Variants in IL17RD observed in about 807,000 individuals in gnomAD.
IL17RD encodes the protein interleukin-17 receptor D.
IL17RD carries 52 observed loss-of-function variants against 80.5 expected under a neutral mutation model. That is an observed-to-expected ratio of 0.65 (90% confidence interval 0.52 to 0.81). The LOEUF (loss-of-function observed/expected upper bound fraction) is 0.81, where lower values mean the gene tolerates loss of function less well. IL17RD is among the 40% of genes least tolerant of loss of function. The pLI is 0.00. For synonymous variants in IL17RD, 416 were observed against 391.8 expected, an observed-to-expected ratio of 1.06 and a Z score of -0.73; for missense variants, 1,024 against 955.1, an observed-to-expected ratio of 1.07 and a Z score of -0.95.
rs542444144 is a variant in IL17RD, at chr3:57,145,988, A to C, written c.126+19173T>G. On this transcript the variant is annotated intron_variant, in intron 1 of 12. Transcript: ENST00000296318. ...TTCTCTTTATGGGTAATGTGCGATC[A>C]ATCCAAAGACTTTGGGGAAAGCGTG... 2.0e-5 allele frequency among the ~76,000 whole-genome samples: 3 copies of C among 152,176 alleles called. No homozygotes were observed. In the East Asian group the frequency reaches 5.8e-4, roughly 29 times the overall value.
intron 3 of IL17RD, among the ~76,000 whole-genome samples, chr3:57,112,302 T>C (rs1328223161): frequency 6.6e-6 from 1 of 152,226 alleles, no homozygotes; most frequent in East Asian, 1.9e-4. Flanking sequence ...AGGTTTATAG[T>C]AGCTAACTGG....
chr3:57,144,970 A>C (rs1479261601), intron 1 of IL17RD, among the ~76,000 whole-genome samples: 2 of 152,192 alleles, frequency 1.3e-5, no homozygotes, highest in Non-Finnish European at 2.9e-5. Flanking sequence ...CCTGACAAGA[A>C]GACAGCTTGG....
Position 57,165,353 on chromosome 3 carries a change from T to G in IL17RD, c.-67A>C, listed in dbSNP as rs1161777791. 29 of 1,177,192 alleles carry G rather than the reference T, an allele frequency of 2.5e-5. No homozygotes were observed. Among genetic ancestry groups the G allele is most frequent in the African/African-American group, 6.5e-5 (4 of 61,082 alleles). The allele number at this position is 1,177,192 out of a possible 1,614,324, so 72.9% of individuals were successfully genotyped here. On this transcript the variant is annotated 5_prime_UTR_variant, in exon 1 of 13. Coordinates refer to ENST00000296318, the MANE Select transcript of IL17RD (RefSeq NM_017563.5). Reference sequence around the variant, plus strand: ...CCGCCCGCCGCTGGCCAGCCCCGAGTGGGCGGTGGCCGCGGCGGCCGCGGC... The same window carrying G: ...CCGCCCGCCGCTGGCCAGCCCCGAGGGGGCGGTGGCCGCGGCGGCCGCGGC...
intron 1 of IL17RD, among the ~76,000 whole-genome samples, chr3:57,127,275 A>AT (rs1559476878): frequency 0.042 from 2,988 of 71,830 alleles, 451 homozygotes; most frequent in African/African-American, 0.18. Context: ...TATATATAAA[A>AT]ATATATATAA....
chr3:57,157,337 C>T (rs552489917), intron 1 of IL17RD, among the ~76,000 whole-genome samples: 2 of 152,238 alleles, frequency 1.3e-5, no homozygotes, highest in East Asian at 1.9e-4. Flanking sequence ...GGGGAGTGCT[C>T]GGTACTGTGG....
intron 5 of IL17RD, among the ~76,000 whole-genome samples, chr3:57,106,814 A>G (rs1466782558): frequency 8.5e-5 from 13 of 152,162 alleles, no homozygotes; most frequent in East Asian, 1.9e-4. Flanking sequence ...ATATAATGCC[A>G]AGAAAACTGA....
intron 1 of IL17RD, among the ~76,000 whole-genome samples, chr3:57,124,150 G>A (rs528684699): frequency 2.0e-5 from 3 of 152,212 alleles, no homozygotes; most frequent in African/African-American, 4.8e-5. Context: ...TTAGCTCAAC[G>A]CCCAAATAAT....
chr3:57,157,337 CG>C (rs2060274924), intron 1 of IL17RD, among the ~76,000 whole-genome samples: 1 of 152,120 alleles, frequency 6.6e-6, no homozygotes, highest in Non-Finnish European at 1.5e-5. Flanking sequence ...GGGGAGTGCT[CG>C]GTACTGTGGC....
rs1707306753 is a variant in IL17RD at position 57,120,322 on chromosome 3, AAAC to A, written c.127-12_127-10del. 1 of 1,610,606 alleles carries A rather than the reference AAAC, an allele frequency of 6.2e-7. No homozygotes were observed. The highest frequency in any genetic ancestry group is 8.5e-7 in the Non-Finnish European group (1 of 1,176,976). ...CTGGCTGGCCCCACTCCCTGTGGGAAAACAAGAGAACATGATGCAGAGTGAAGC... is the reference window on the plus strand; with the variant it reads ...CTGGCTGGCCCCACTCCCTGTGGGAAAAGAGAACATGATGCAGAGTGAAGC... On this transcript the variant is annotated splice_polypyrimidine_tract_variant and intron_variant, in intron 1 of 12. Transcript: ENST00000296318.
chr3:57,147,263 G>C (rs765282883), intron 1 of IL17RD, among the ~76,000 whole-genome samples: 1 of 152,130 alleles, frequency 6.6e-6, no homozygotes, highest in Non-Finnish European at 1.5e-5. Flanking sequence ...ACAGTATCTT[G>C]CTTACATCTT....
At chr3:57,152,951 CAGGTCTTT>C (rs2060239070) in intron 1 of IL17RD, among the ~76,000 whole-genome samples, 1 of 152,152 alleles carries the variant, frequency 6.6e-6, no homozygotes, top group African/African-American at 2.4e-5. Context: ...CGGCCAAACA[CAGGTCTTT>C]AATAGGAACT....
intron 1 of IL17RD, among the ~76,000 whole-genome samples, chr3:57,154,289 C>T (rs1014833859): frequency 4.3e-5 from 5 of 115,478 alleles, no homozygotes; most frequent in South Asian, 3.6e-4. Flanking sequence ...TATATACACA[C>T]ACACACACAC....
chr3:57,096,873 T>C (rs555479780), intron 12 of IL17RD, among the ~76,000 whole-genome samples: 25 of 152,108 alleles, frequency 1.6e-4, no homozygotes, highest in Admixed American at 3.9e-4. Flanking sequence ...TAGCTGGGCA[T>C]GGTGGCGCAT....
intron 1 of IL17RD, chr3:57,164,893 C>T (rs1287730102): frequency 5.7e-6 from 7 of 1,223,704 alleles, no homozygotes; most frequent in East Asian, 4.5e-5. Context: ...CTCACGCCCG[C>T]CCTCTGAATG....
At chr3:57,136,641 CAAAA>C (rs59941543) in intron 1 of IL17RD, among the ~76,000 whole-genome samples, 5,409 of 47,908 alleles carry the variant, frequency 0.11, 189 homozygotes, top group African/African-American at 0.24. Context: ...AACCCCCACT[CAAAA>C]AAAAAAAAAA....
intron 1 of IL17RD, among the ~76,000 whole-genome samples, chr3:57,137,564 CA>C (rs1272153873): frequency 6.6e-6 from 1 of 152,166 alleles, no homozygotes; most frequent in Non-Finnish European, 1.5e-5. Context: ...GCCTGGAGAG[CA>C]GAAGTGACAC....
At chr3:57,163,802 A>AGGGGGGG (rs1559489790) in intron 1 of IL17RD, among the ~76,000 whole-genome samples, 1 of 7,378 alleles carries the variant, frequency 1.4e-4, no homozygotes, top group African/African-American at 6.4e-4. Context: ...GCGGGGGGGG[A>AGGGGGGG]AGGGGGTGGC....
chr3:57,154,990 T>C (rs980774214), intron 1 of IL17RD, among the ~76,000 whole-genome samples: 4 of 152,060 alleles, frequency 2.6e-5, no homozygotes, highest in African/African-American at 7.2e-5. Context: ...CAGAAATATC[T>C]AGTTCCTCCC....
At chr3:57,101,583 A>G (rs1317033494) in intron 10 of IL17RD, among the ~76,000 whole-genome samples, 1 of 152,200 alleles carries the variant, frequency 6.6e-6, no homozygotes, top group Non-Finnish European at 1.5e-5. Flanking sequence ...CCTGAAATTG[A>G]TCTTGGATAA....
Sources: allele counts gnomAD v4.1 joint callset (sites outside exome capture counted in the v4.1 genomes callset), GRCh38; gene constraint gnomAD v4.1.1; transcripts MANE v1.5; gene names NCBI Gene and HGNC (gene_info 2026-07-23, HGNC 2026-07-21).